DLGAP2: variants seen among roughly 807,000 people sequenced by gnomAD.
The protein encoded by DLGAP2 is disks large-associated protein 2.
DLGAP2 carries 26 observed loss-of-function variants against 100.3 expected under a neutral mutation model. The observed-to-expected ratio is 0.26, with a 90% CI of 0.19 to 0.36. The LOEUF (loss-of-function observed/expected upper bound fraction) is 0.36, where lower values mean the gene tolerates loss of function less well. Ranked by LOEUF, DLGAP2 falls within the 10% of genes least tolerant of loss-of-function variation. The probability of loss-of-function intolerance (pLI) is 1.00; values close to 1 mark genes in which losing one functional copy is unlikely to be tolerated. For synonymous variants in DLGAP2, 886 were observed against 630.1 expected, an observed-to-expected ratio of 1.41 and a Z score of -6.08; for missense variants, 1,858 against 1,453.2, an observed-to-expected ratio of 1.28 and a Z score of -4.53.
rs549390817 is a variant in DLGAP2, at chr8:993,589, G to A, written c.73+85623G>A. On this transcript the variant is annotated intron_variant, in intron 2 of 14. Coordinates refer to ENST00000637795, the MANE Select transcript of DLGAP2 (RefSeq NM_001346810.2). ...TTGTTTCTGCTGGTCATCTCAGCTCGTGTTCTCCTATTGCTGATGCCTGGT... is the reference window on the plus strand; with the variant it reads ...TTGTTTCTGCTGGTCATCTCAGCTCATGTTCTCCTATTGCTGATGCCTGGT... Among the ~76,000 whole-genome samples, 265 of 151,998 alleles carry A rather than the reference G, an allele frequency of 1.7e-3. 1 individual carries two copies. The highest frequency in any genetic ancestry group is 2.4e-3 in the Admixed American group (36 of 15,268).
At chr8:1,436,720 C>G (rs1797642208) in intron 3 of DLGAP2, among the ~76,000 whole-genome samples, 1 of 152,172 alleles carries the variant, frequency 6.6e-6, no homozygotes, top group Non-Finnish European at 1.5e-5. Context: ...TCACTCCCCA[C>G]TCACCCATTC....
chr8:1,094,740 T>A (rs1804309441), intron 2 of DLGAP2, among the ~76,000 whole-genome samples: 1 of 152,222 alleles, frequency 6.6e-6, no homozygotes, highest in Admixed American at 6.5e-5. Flanking sequence ...CTCCCCCTCT[T>A]TCTCTGGACC....
At chr8:808,041 G>A (rs1287132523) in intron 1 of DLGAP2, among the ~76,000 whole-genome samples, 1 of 152,172 alleles carries the variant, frequency 6.6e-6, no homozygotes, top group East Asian at 1.9e-4. Flanking sequence ...TGAAGTCCCG[G>A]CTTTGCTTCT....
intron 6 of DLGAP2, among the ~76,000 whole-genome samples, chr8:1,572,364 G>GA (rs140053707): frequency 0.25 from 24,183 of 98,114 alleles, 4,784 homozygotes; most frequent in East Asian, 0.36. Flanking sequence ...GAGGAGAGAG[G>GA]GTGAACTGTG....
At chr8:1,470,833 C>G (rs1411260471) in intron 3 of DLGAP2, among the ~76,000 whole-genome samples, 1 of 56,186 alleles carries the variant, frequency 1.8e-5, no homozygotes, top group African/African-American at 6.6e-5. Context: ...CCTTTCCCGA[C>G]CCCTCCAGGC....
At chr8:1,693,940 A>T (rs1799316125) in intron 13 of DLGAP2, among the ~76,000 whole-genome samples, 1 of 152,178 alleles carries the variant, frequency 6.6e-6, no homozygotes, top group African/African-American at 2.4e-5. Flanking sequence ...GCCACTGACG[A>T]ACTCTGTGTA....
At chr8:1,004,713 C>T (rs1801056171) in intron 2 of DLGAP2, among the ~76,000 whole-genome samples, 2 of 152,296 alleles carry the variant, frequency 1.3e-5, no homozygotes, top group South Asian at 4.1e-4. Flanking sequence ...GTATGTGCGG[C>T]ATCTTTCTCA....
At chr8:1,553,516 G>T (rs1462691092) in intron 5 of DLGAP2, among the ~76,000 whole-genome samples, 4 of 9,288 alleles carry the variant, frequency 4.3e-4, no homozygotes, top group African/African-American at 1.7e-3. Flanking sequence ...TTAGACTTTG[G>T]GTTTTACCTG....
intron 2 of DLGAP2, among the ~76,000 whole-genome samples, chr8:921,782 G>A (rs367807075): frequency 6.2e-4 from 95 of 152,354 alleles, no homozygotes; most frequent in African/African-American, 2.0e-3. Flanking sequence ...CACTGGCCAC[G>A]TCCTGGCTCT....
chr8:1,459,418 C>G (rs1374209966), intron 3 of DLGAP2, among the ~76,000 whole-genome samples: 1 of 152,218 alleles, frequency 6.6e-6, no homozygotes, highest in South Asian at 2.1e-4. Context: ...TGTCACTTGT[C>G]ATGATATTCA....
At chr8:919,390 A>G (rs1798661199) in intron 2 of DLGAP2, among the ~76,000 whole-genome samples, 1 of 152,146 alleles carries the variant, frequency 6.6e-6, no homozygotes, top group African/African-American at 2.4e-5. Flanking sequence ...GTTTGCCTAA[A>G]GTACTAGGTT....
chr8:1,204,696 A>G (rs73538070), intron 2 of DLGAP2, among the ~76,000 whole-genome samples: 4,888 of 152,268 alleles, frequency 0.032, 266 homozygotes, highest in African/African-American at 0.11. Context: ...GATCCTTGAC[A>G]TCTGCCTGGA....
intron 3 of DLGAP2, among the ~76,000 whole-genome samples, chr8:1,435,807 G>A (rs1416643972): frequency 1.3e-5 from 2 of 151,896 alleles, no homozygotes; most frequent in Admixed American, 6.6e-5. Flanking sequence ...TGGTGATATC[G>A]ACAGTCCTGA....
chr8:1,424,962 A>G (rs1006844440), intron 3 of DLGAP2, among the ~76,000 whole-genome samples: 3 of 152,198 alleles, frequency 2.0e-5, no homozygotes, highest in African/African-American at 4.8e-5. Context: ...TGATGGCTGC[A>G]CAACAATGAG....
At chr8:1,022,385 C>G (rs903248889) in intron 2 of DLGAP2, among the ~76,000 whole-genome samples, 4 of 148,736 alleles carry the variant, frequency 2.7e-5, no homozygotes, top group Admixed American at 6.7e-5. Context: ...TGGGAGTGGA[C>G]AGTCCCGTGC....
intron 2 of DLGAP2, among the ~76,000 whole-genome samples, chr8:932,450 C>T (rs536926598): frequency 2.6e-4 from 39 of 152,284 alleles, no homozygotes; most frequent in African/African-American, 8.4e-4. Context: ...ACAAGTGCAA[C>T]GTGTGGTTTT....
At chr8:1,537,784 A>AGGAAGGAC (rs1386875952) in intron 4 of DLGAP2, among the ~76,000 whole-genome samples, 171 of 141,084 alleles carry the variant, frequency 1.2e-3, no homozygotes, top group African/African-American at 4.1e-3. Context: ...GAAGGAAGGA[A>AGGAAGGAC]GGACAAATGG....
chr8:1,312,816 T>G (rs1800643963), intron 3 of DLGAP2, among the ~76,000 whole-genome samples: 1 of 152,144 alleles, frequency 6.6e-6, no homozygotes, highest in South Asian at 2.1e-4. Context: ...GCAGCAGGGT[T>G]TGTAGGAATG....
chr8:1,541,778 T>G (rs1389231088), intron 4 of DLGAP2, among the ~76,000 whole-genome samples: 6 of 152,234 alleles, frequency 3.9e-5, no homozygotes, highest in Non-Finnish European at 4.4e-5. Context: ...TAACTCAAAC[T>G]CACATTATCG....
Sources: allele counts gnomAD v4.1 joint callset (sites outside exome capture counted in the v4.1 genomes callset), GRCh38; gene constraint gnomAD v4.1.1; transcripts MANE v1.5; gene names NCBI Gene and HGNC (gene_info 2026-07-23, HGNC 2026-07-21).